Variants in TMEM132C observed in about 807,000 individuals in gnomAD.
TMEM132C encodes the protein transmembrane protein 132C.
Under a neutral mutation model 61.4 loss-of-function variants are expected in TMEM132C, and 29 were observed. The ratio of observed to expected loss-of-function variants is 0.47; its 90% confidence interval spans 0.35 to 0.64. The LOEUF (loss-of-function observed/expected upper bound fraction) is 0.64, where lower values mean the gene tolerates loss of function less well. TMEM132C is among the 30% of genes least tolerant of loss of function. TMEM132C has a pLI of 0.00. For missense variants in TMEM132C, 1,408 were observed against 1,476.9 expected, an observed-to-expected ratio of 0.95 and a Z score of 0.76; for synonymous variants, 656 against 633.1, an observed-to-expected ratio of 1.04 and a Z score of -0.54.
In TMEM132C at chr12:128,695,902, C is replaced by A. The variant is rs556954527; in HGVS notation, c.1728C>A (p.His576Gln). The A allele has an allele frequency of 2.6e-6, 4 of 1,551,420 alleles. No homozygotes were observed. In the Admixed American group the frequency reaches 5.9e-5, roughly 23 times the overall value. The change falls in exon 7 of 9, where the codon CAC becomes CAA. Residue 576 changes from histidine to glutamine, a missense_variant. Coordinates refer to ENST00000435159, the MANE Select transcript of TMEM132C (RefSeq NM_001136103.3). ...GGGGCTGCGCACTGCAATACCAGCA[C>A]GCCACCGTGCGGGTCCTCACCCAGT... ...RGRGCALQYQHATVRVLTQFV... is the reference protein window; with the variant it reads ...RGRGCALQYQQATVRVLTQFV...
intron 1 of TMEM132C, among the ~76,000 whole-genome samples, chr12:128,367,094 G>A (rs1256514564): frequency 2.6e-5 from 4 of 152,178 alleles, no homozygotes; most frequent in African/African-American, 9.7e-5. Context: ...TGTGAAACTA[G>A]AACATGCAAA....
intron 2 of TMEM132C, among the ~76,000 whole-genome samples, chr12:128,509,156 T>G (rs1329649956): frequency 6.6e-6 from 1 of 152,118 alleles, no homozygotes; most frequent in Non-Finnish European, 1.5e-5. Context: ...AATGACTGAG[T>G]CAAGCCTCCA....
intron 1 of TMEM132C, among the ~76,000 whole-genome samples, chr12:128,307,970 G>A (rs1156433396): frequency 6.6e-6 from 1 of 152,178 alleles, no homozygotes; most frequent in African/African-American, 2.4e-5. Flanking sequence ...TCCAATGAGC[G>A]TGGTACATTC....
intron 2 of TMEM132C, among the ~76,000 whole-genome samples, chr12:128,446,990 G>A (rs1485332607): frequency 6.6e-6 from 1 of 152,134 alleles, no homozygotes; most frequent in African/African-American, 2.4e-5. Flanking sequence ...CTCTCTTGTT[G>A]CAAGCAACAG....
chr12:128,671,904 C>A (rs1954535901), intron 5 of TMEM132C, among the ~76,000 whole-genome samples: 1 of 152,014 alleles, frequency 6.6e-6, no homozygotes. Flanking sequence ...GACCACAAAG[C>A]CCATGGGAGG....
At chr12:128,528,713 C>T (rs1873179989) in intron 2 of TMEM132C, among the ~76,000 whole-genome samples, 1 of 152,180 alleles carries the variant, frequency 6.6e-6, no homozygotes, top group Admixed American at 6.5e-5. Flanking sequence ...CGCTCTTACT[C>T]ATGATAACCA....
At position 128,473,332 on chromosome 12, in the gene TMEM132C, AG is replaced by A. The variant is rs1565946550; in HGVS notation, c.974+57713del. 3.1e-3 allele frequency among the ~76,000 whole-genome samples: 414 copies of A among 134,974 alleles called. 3 individuals are homozygous for A. Among genetic ancestry groups the A allele is most frequent in the Middle Eastern group, 7.5e-3 (2 of 266 alleles). 88.5% of individuals were successfully genotyped at this position (134,974 alleles called of 152,430 possible). A position where few individuals can be genotyped will look rare whatever the true frequency, so the allele number is the denominator to read the frequency against. On this transcript the variant is annotated intron_variant, in intron 2 of 8. Transcript: ENST00000435159. ...CACTCCAGCCTCTATCTTCATCTTCAGTCCAGCCTCCTTCTTCATCTTCACT... is the reference window on the plus strand; with the variant it reads ...CACTCCAGCCTCTATCTTCATCTTCATCCAGCCTCCTTCTTCATCTTCACT...
intron 4 of TMEM132C, among the ~76,000 whole-genome samples, chr12:128,654,189 G>A (rs1240056045): frequency 6.6e-6 from 1 of 152,180 alleles, no homozygotes; most frequent in Non-Finnish European, 1.5e-5. Flanking sequence ...TTAAGATGAG[G>A]TCATTAGGTG....
intron 3 of TMEM132C, among the ~76,000 whole-genome samples, chr12:128,593,435 C>T (rs1323945424): frequency 6.6e-6 from 1 of 152,204 alleles, no homozygotes; most frequent in Non-Finnish European, 1.5e-5. Context: ...CAGGCAAGCC[C>T]ATGACGAGTG....
At chr12:128,550,719 G>T (rs1467934350) in intron 3 of TMEM132C, among the ~76,000 whole-genome samples, 3 of 152,320 alleles carry the variant, frequency 2.0e-5, no homozygotes, top group African/African-American at 4.8e-5. Flanking sequence ...TCACACTGGG[G>T]CAGAGGGCTT....
chr12:128,647,001 G>T (rs1279517718), intron 4 of TMEM132C, among the ~76,000 whole-genome samples: 1 of 152,010 alleles, frequency 6.6e-6, no homozygotes, highest in Non-Finnish European at 1.5e-5. Flanking sequence ...CATTGGATGT[G>T]AGTGTGTTTA....
At chr12:128,652,084 A>G (rs1015183606) in intron 4 of TMEM132C, among the ~76,000 whole-genome samples, 13 of 152,194 alleles carry the variant, frequency 8.5e-5, no homozygotes, top group African/African-American at 2.4e-4. Flanking sequence ...TTCGACAAGG[A>G]TGACTCTCCT....
Position 128,705,244 on chromosome 12 carries a change from T to C in TMEM132C, c.2276T>C (p.Val759Ala). The C allele has an allele frequency of 1.3e-6, 2 of 1,551,614 alleles. No homozygotes were observed. The highest frequency in any genetic ancestry group is 2.4e-5 in the South Asian group (2 of 84,060). Reference sequence around the variant, plus strand: ...CGCTCTCCCAGGTGGCCCGTTGTGGTGGCCGAAGGGGAAGGCCAGGGCCCA... The same window carrying C: ...CGCTCTCCCAGGTGGCCCGTTGTGGCGGCCGAAGGGGAAGGCCAGGGCCCA... ...QPRSPRWPVV[V>A]AEGEGQGPLI... Residue 759 changes from valine to alanine, a missense_variant, in exon 9 of 9, where the codon GTG becomes GCG. Physicochemically the swap from Val to Ala is moderately conservative, Grantham distance 64. Coordinates refer to ENST00000435159, the MANE Select transcript of TMEM132C (RefSeq NM_001136103.3).
chr12:128,505,532 A>G (rs1436786179), intron 2 of TMEM132C, among the ~76,000 whole-genome samples: 1 of 152,200 alleles, frequency 6.6e-6, no homozygotes, highest in African/African-American at 2.4e-5. Context: ...TGGAGGAGAA[A>G]CATAGCAACC....
chr12:128,451,964 C>A (rs1019708648), intron 2 of TMEM132C, among the ~76,000 whole-genome samples: 1 of 151,428 alleles, frequency 6.6e-6, no homozygotes, highest in African/African-American at 2.4e-5. Context: ...GTTGAAAGAA[C>A]AAAAATTAAA....
intron 1 of TMEM132C, among the ~76,000 whole-genome samples, chr12:128,356,982 C>T (rs1032828289): frequency 1.3e-5 from 2 of 152,148 alleles, no homozygotes; most frequent in Non-Finnish European, 2.9e-5. Flanking sequence ...TTCTATTTCT[C>T]GCTCTCTCAC....
At chr12:128,288,650 T>C (rs1285295406) in intron 1 of TMEM132C, 2 of 152,216 alleles carry the variant, frequency 1.3e-5, no homozygotes, top group African/African-American at 4.8e-5. Context: ...AACAGGACTT[T>C]CTGAACGGTG....
At chr12:128,295,638 CA>C (rs59555369) in intron 1 of TMEM132C, among the ~76,000 whole-genome samples, 7,015 of 115,846 alleles carry the variant, frequency 0.061, 217 homozygotes, top group African/African-American at 0.15. Flanking sequence ...TTAAGTCCTT[CA>C]AAAAAAAAAA....
In TMEM132C at chr12:128,679,987, A is replaced by G. The variant is rs549902628; in HGVS notation, c.1449+10427A>G. Among the ~76,000 whole-genome samples the G allele has an allele frequency of 2.0e-5, 3 of 152,246 alleles. No individual in the cohort carries two copies. In the South Asian group the frequency reaches 6.2e-4, roughly 32 times the overall value. On this transcript the variant is annotated intron_variant, in intron 5 of 8. Coordinates refer to ENST00000435159, the MANE Select transcript of TMEM132C (RefSeq NM_001136103.3). ...GAGCTGTCCAAGCAGAAAGAACAGC[A>G]AGTGCAAAGGCCCCAGGGTATGAAC...
Sources: allele counts gnomAD v4.1 joint callset (sites outside exome capture counted in the v4.1 genomes callset), GRCh38; gene constraint gnomAD v4.1.1; transcripts MANE v1.5; gene names NCBI Gene and HGNC (gene_info 2026-07-23, HGNC 2026-07-21).